CFDP1: variants seen among roughly 807,000 people sequenced by gnomAD.
CFDP1 encodes heterochromatin-stabilizing protein CFDP1.
CFDP1 carries 31 observed loss-of-function variants against 40.1 expected under a neutral mutation model. The observed-to-expected ratio is 0.77, with a 90% confidence interval of 0.58 to 1.04. The LOEUF (loss-of-function observed/expected upper bound fraction) is 1.04. Ranked by LOEUF, CFDP1 falls within the 50% of genes least tolerant of loss-of-function variation. The pLI is 0.00. For missense variants in CFDP1, 423 were observed against 343.4 expected (o/e 1.23, Z -1.83); for synonymous variants, 167 against 120.0 (o/e 1.39, Z -2.56).
chr16:75,415,694 C>T (rs554801896), intron 1 of CFDP1, among the ~76,000 whole-genome samples: 3 of 152,328 alleles, frequency 2.0e-5, no homozygotes, highest in East Asian at 3.9e-4. Context: ...TGCAGTGTAG[C>T]TGTAGTTTAT....
intron 5 of CFDP1, among the ~76,000 whole-genome samples, chr16:75,384,104 T>G (rs924193074): frequency 3.9e-5 from 6 of 152,220 alleles, no homozygotes; most frequent in African/African-American, 1.4e-4. Context: ...GGCTCACATC[T>G]GTAATCCTAG....
chr16:75,392,762 T>C (rs1422427583), intron 5 of CFDP1, among the ~76,000 whole-genome samples: 2 of 152,360 alleles, frequency 1.3e-5, no homozygotes, highest in South Asian at 4.1e-4. Context: ...ATATTTTCTC[T>C]TAATTGATTA....
rs1567670026 is a variant in CFDP1, at chr16:75,394,657, G to GTTTTTTTTTTTTTTTTTTTTTTT, written c.650+432_650+433insAAAAAAAAAAAAAAAAAAAAAAA. 2 of 58,568 alleles carry GTTTTTTTTTTTTTTTTTTTTTTT rather than the reference G, an allele frequency of 3.4e-5. 1 individual carries two copies. The highest frequency in any genetic ancestry group is 8.1e-5 in the Non-Finnish European group (2 of 24,602). 3.6% of individuals were successfully genotyped at this position (58,568 alleles called of 1,614,324 possible). The stretch of plus-strand genomic sequence containing the variant: ...AAGAAAGCTACAACTAATTTTCTTC[G>GTTTTTTTTTTTTTTTTTTTTTTT]CTTTTTTTTTTTTTTTTTTTTTTTA... On this transcript the variant is annotated intron_variant, in intron 5 of 6. Coordinates refer to ENST00000283882, the MANE Select transcript of CFDP1 (RefSeq NM_006324.3).
At chr16:75,352,157 A>G (rs2078617383) in intron 5 of CFDP1, among the ~76,000 whole-genome samples, 2 of 152,022 alleles carry the variant, frequency 1.3e-5, no homozygotes, top group Admixed American at 1.3e-4. Flanking sequence ...CCTGGCGAAC[A>G]TGGCAAAACC....
At chr16:75,370,108 T>A (rs931803544) in intron 5 of CFDP1, among the ~76,000 whole-genome samples, 2 of 151,418 alleles carry the variant, frequency 1.3e-5, no homozygotes, top group Non-Finnish European at 2.9e-5. Flanking sequence ...TTTTTTTTTT[T>A]TGAGGCAGAG....
intron 1 of CFDP1, among the ~76,000 whole-genome samples, chr16:75,423,652 C>T (rs1443187737): frequency 6.6e-6 from 1 of 152,034 alleles, no homozygotes; most frequent in African/African-American, 2.4e-5. Flanking sequence ...GCAGCTGGGA[C>T]TACAGGCACC....
intron 4 of CFDP1, among the ~76,000 whole-genome samples, chr16:75,407,390 C>T (rs573611631): frequency 6.6e-6 from 1 of 152,048 alleles, no homozygotes; most frequent in African/African-American, 2.4e-5. Context: ...AAAATATTCA[C>T]ACATGGCTGG....
At chr16:75,295,058 G>C (rs2078173138) in intron 6 of CFDP1, among the ~76,000 whole-genome samples, 1 of 152,198 alleles carries the variant, frequency 6.6e-6, no homozygotes, top group South Asian at 2.1e-4. Flanking sequence ...AGACAAAATT[G>C]AATCTCTGCA....
intron 1 of CFDP1, among the ~76,000 whole-genome samples, chr16:75,421,532 A>C (rs2151596086): frequency 6.6e-6 from 1 of 152,348 alleles, no homozygotes; most frequent in East Asian, 1.9e-4. Flanking sequence ...TCTTGTCCAA[A>C]GACTCAGAGC....
chr16:75,411,776 C>A, intron 4 of CFDP1, 49 bp downstream of exon 4: 1 of 1,560,078 alleles, frequency 6.4e-7, no homozygotes, highest in Non-Finnish European at 8.8e-7. Context: ...TAGAGAGAGA[C>A]GCTCATTTTT....
intron 1 of CFDP1, among the ~76,000 whole-genome samples, chr16:75,431,791 T>C (rs1403517299): frequency 6.6e-6 from 1 of 152,076 alleles, no homozygotes; most frequent in Non-Finnish European, 1.5e-5. Context: ...AAATGATACC[T>C]ACTATACATG....
intron 1 of CFDP1, among the ~76,000 whole-genome samples, chr16:75,421,341 C>G (rs952915959): frequency 1.3e-5 from 2 of 152,100 alleles, no homozygotes; most frequent in Non-Finnish European, 2.9e-5. Context: ...GACAAGGACT[C>G]CATCTTTAGC....
chr16:75,399,016 C>G (rs1034310238), intron 4 of CFDP1, among the ~76,000 whole-genome samples: 5 of 148,764 alleles, frequency 3.4e-5, no homozygotes, highest in African/African-American at 7.5e-5. Context: ...GAAATCATGC[C>G]ACTGCACTTC....
At chr16:75,318,907 C>G (rs1366089284) in intron 5 of CFDP1, among the ~76,000 whole-genome samples, 2 of 152,316 alleles carry the variant, frequency 1.3e-5, no homozygotes, top group East Asian at 3.9e-4. Context: ...TAATTCCTTA[C>G]ATCATAGACA....
chr16:75,307,477 A>G (rs1161871145), intron 5 of CFDP1, among the ~76,000 whole-genome samples: 4 of 152,284 alleles, frequency 2.6e-5, no homozygotes, highest in African/African-American at 9.6e-5. Context: ...TCGGCCCCCC[A>G]AAGTGCTGGG....
chr16:75,349,443 A>G (rs990126538), intron 5 of CFDP1, among the ~76,000 whole-genome samples: 2 of 150,556 alleles, frequency 1.3e-5, no homozygotes, highest in Non-Finnish European at 3.0e-5. Context: ...CCGGGAGTGG[A>G]GGTTGCGGTG....
At chr16:75,421,618 C>G (rs2079281428) in intron 1 of CFDP1, among the ~76,000 whole-genome samples, 1 of 152,198 alleles carries the variant, frequency 6.6e-6, no homozygotes, top group East Asian at 1.9e-4. Context: ...TCCGAGAAAG[C>G]CTCTTACATA....
intron 4 of CFDP1, among the ~76,000 whole-genome samples, chr16:75,396,945 G>A (rs1223659423): frequency 1.3e-5 from 2 of 151,894 alleles, no homozygotes; most frequent in Non-Finnish European, 2.9e-5. Context: ...ATGGAGTCTC[G>A]CTCTGTCGCC....
chr16:75,356,416 A>C (rs1383773476), intron 5 of CFDP1, among the ~76,000 whole-genome samples: 1 of 152,226 alleles, frequency 6.6e-6, no homozygotes, highest in Non-Finnish European at 1.5e-5. Context: ...TTTTGAAAGG[A>C]ATCTTTCTGT....
Sources: allele counts gnomAD v4.1 joint callset (sites outside exome capture counted in the v4.1 genomes callset), GRCh38; gene constraint gnomAD v4.1.1; transcripts MANE v1.5; gene names NCBI Gene and HGNC (gene_info 2026-07-23, HGNC 2026-07-21).